UBXN11: variants seen among roughly 807,000 people sequenced by gnomAD.
UBXN11 encodes the protein UBX domain-containing protein 11.
A neutral mutation model predicts 62.8 loss-of-function variants in UBXN11; 47 were observed. The ratio of observed to expected loss-of-function variants is 0.75; its 90% CI spans 0.59 to 0.95. The LOEUF (loss-of-function observed/expected upper bound fraction) is 0.95, where lower values mean the gene tolerates loss of function less well. Among genes scored for constraint, UBXN11 ranks in the 40% least tolerant of loss-of-function variants. UBXN11 has a pLI of 0.00. For synonymous variants in UBXN11, 294 were observed against 267.0 expected (o/e 1.10, Z -0.99); for missense variants, 638 against 661.7 (o/e 0.96, Z 0.39).
chr1:26,286,286 C>A (rs940073564), intron 8 of UBXN11, among the ~76,000 whole-genome samples: 1 of 152,224 alleles, frequency 6.6e-6, no homozygotes, highest in African/African-American at 2.4e-5. Context: ...GCTATAATCA[C>A]CTCCATTTTT....
intron 1 of UBXN11, chr1:26,317,833 A>AC (rs1372443860): frequency 1.7e-6 from 1 of 590,496 alleles, no homozygotes; most frequent in African/African-American, 1.9e-5. Flanking sequence ...GGTATTATCC[A>AC]CCCCCAGATC....
At chr1:26,307,274 C>A (rs1361099784), upstream of UBXN11, among the ~76,000 whole-genome samples, 1 of 152,164 alleles carries the variant, frequency 6.6e-6, no homozygotes, top group East Asian at 1.9e-4. Flanking sequence ...GTTAAGACCA[C>A]GAACTTTGGA....
chr1:26,318,307 G>A, exon 1 of UBXN11: 2 of 528,534 alleles, frequency 3.8e-6, no homozygotes, highest in East Asian at 6.2e-5. Context: ...CCACAGCTGG[G>A]GAGCACTTAC....
rs760552317 is a variant in UBXN11 at position 26,284,158 on chromosome 1, A to T, written c.1061T>A (p.Ile354Asn). Residue 354 changes from isoleucine (I) to asparagine (N), a missense_variant, in exon 12 of 15, where the codon ATC (isoleucine) becomes AAC (asparagine). Transcript: ENST00000374222. ...TGGCCTCACCTGCAAGGTGTCCCTGATGGGGCCCCGGATGTCAATCACCTC... is the reference window on the plus strand; with the variant it reads ...TGGCCTCACCTGCAAGGTGTCCCTGTTGGGGCCCCGGATGTCAATCACCTC... ...QGEVIDIRGP[I>N]RDTLQNCCPL... The T allele has an allele frequency of 1.2e-6, 2 of 1,611,100 alleles. No homozygotes were observed. The highest frequency in any genetic ancestry group is 1.1e-5 in the South Asian group (1 of 90,720).
At position 26,317,134 on chromosome 1, in the gene UBXN11, G is replaced by C. The variant is rs576784194; in HGVS notation, c.-149+913C>G. Among the ~76,000 whole-genome samples the C allele has an allele frequency of 1.5e-4, 23 of 151,518 alleles. No homozygotes were observed. The South Asian group carries it at 1.7e-3, about 11-fold the overall frequency. Reference sequence around the variant, plus strand: ...CACACACCTGTAGTCCCAGCTATGCGGGAGGCCAAGGCAGGATAATTGCTT... The same window carrying C: ...CACACACCTGTAGTCCCAGCTATGCCGGAGGCCAAGGCAGGATAATTGCTT... On this transcript the variant is annotated intron_variant, in intron 1 of 14. Transcript: ENST00000374217.
At chr1:26,293,054 C>A (rs573647799) in intron 8 of UBXN11, among the ~76,000 whole-genome samples, 2 of 152,108 alleles carry the variant, frequency 1.3e-5, no homozygotes, top group Non-Finnish European at 2.9e-5. Flanking sequence ...CAAATGGGCC[C>A]CTTGGAAGCT....
rs192654087 is a variant in UBXN11 at position 26,286,586 on chromosome 1, T to C, written c.560-549A>G. 5.3e-5 allele frequency among the ~76,000 whole-genome samples: 7 copies of C among 131,768 alleles called. No individual in the cohort carries two copies. In the East Asian group the frequency reaches 1.4e-3, roughly 26 times the overall value. 86.4% of individuals were successfully genotyped at this position (131,768 alleles called of 152,430 possible). On this transcript the variant is annotated intron_variant, in intron 8 of 14. Transcript: ENST00000374222. ...AGGATGGCTGTAAGGCTCCAAGAAG[T>C]AACCATGTTAAGAGCCAGCTTGGAA...
chr1:26,304,736 G>C (rs140320188), intron 1 of UBXN11, among the ~76,000 whole-genome samples: 1 of 152,092 alleles, frequency 6.6e-6, no homozygotes, highest in African/African-American at 2.4e-5. Context: ...CTGGGTGACA[G>C]AGCAAGACTC....
chr1:26,284,335 C>T, intron 11 of UBXN11, 27 bp downstream of exon 11: 1 of 1,613,974 alleles, frequency 6.2e-7, no homozygotes, highest in Non-Finnish European at 8.5e-7. Flanking sequence ...CCCCAGCCCC[C>T]TGGCTCAGCC....
intron 4 of UBXN11, among the ~76,000 whole-genome samples, chr1:26,299,152 G>A (rs969683566): frequency 6.6e-6 from 1 of 152,162 alleles, no homozygotes; most frequent in Admixed American, 6.5e-5. Flanking sequence ...TACACATGGA[G>A]TGCAGGTGAG....
intron 12 of UBXN11, 56 bp from the exon 13 acceptor site, chr1:26,282,993 C>T: frequency 6.2e-7 from 1 of 1,609,080 alleles, no homozygotes; most frequent in African/African-American, 1.3e-5. Flanking sequence ...GAGTCATCCC[C>T]ACAAACCTTA....
exon 1 of UBXN11, chr1:26,318,166 T>G: frequency 2.8e-6 from 3 of 1,070,574 alleles, no homozygotes; most frequent in Non-Finnish European, 4.3e-6. Flanking sequence ...AGACCCAGCC[T>G]TCTCTCCTGA....
chr1:26,288,170 A>G (rs2073175243), intron 8 of UBXN11, among the ~76,000 whole-genome samples: 1 of 152,138 alleles, frequency 6.6e-6, no homozygotes, highest in Non-Finnish European at 1.5e-5. Flanking sequence ...GTCAGATGAC[A>G]TGGCCTGATC....
rs2073005205 is a variant in UBXN11 at position 26,282,337 on chromosome 1, GGCCGGGACCGGGACCGGGAC to G, written c.1505_1524del (p.Ser502ThrfsTer?). The G allele has an allele frequency of 3.8e-5, 12 of 318,740 alleles. No individual in the cohort carries two copies. The African/African-American group carries it at 3.8e-4, about 10-fold the overall frequency. 19.7% of individuals were successfully genotyped at this position (318,740 alleles called of 1,614,324 possible). A position where few individuals can be genotyped will look rare whatever the true frequency, so the allele number is the denominator to read the frequency against. On this transcript the variant is annotated frameshift_variant, in exon 15 of 15. Transcript: ENST00000374222. LOFTEE classifies it low-confidence loss of function (END_TRUNC). The stretch of plus-strand genomic sequence containing the variant: ...GGACTGGGTCCAGGACAGGGACTGG[GGCCGGGACCGGGACCGGGAC>G]TGGGGCCGGGACCGGGACCGGGACT...
At chr1:26,293,875 C>T (rs1270164346) in intron 8 of UBXN11, among the ~76,000 whole-genome samples, 2 of 151,704 alleles carry the variant, frequency 1.3e-5, no homozygotes, top group African/African-American at 2.4e-5. Context: ...TTTTTTAAAA[C>T]GGCAACATCT....
intron 11 of UBXN11, 53 bp downstream of exon 11, chr1:26,284,309 A>T: frequency 6.2e-7 from 1 of 1,612,736 alleles, no homozygotes; most frequent in South Asian, 1.1e-5. Context: ...GCCCCCCTGG[A>T]GTTTGTTCTG....
chr1:26,282,320 TCCA>T lies in UBXN11; in HGVS notation c.1539_1541del (p.Gly514del). The T allele has an allele frequency of 2.2e-6, 3 of 1,361,168 alleles. 1 individual carries two copies. Among genetic ancestry groups the T allele is most frequent in the Non-Finnish European group, 2.8e-6 (3 of 1,058,272 alleles). The allele number at this position is 1,361,168 out of a possible 1,614,324, so 84.3% of individuals were successfully genotyped here. On this transcript the variant is annotated inframe_deletion, in exon 15 of 15. Transcript: ENST00000374222. ...TGCTTTATTGGGGGCTGGGACTGGGTCCAGGACAGGGACTGGGGCCGGGACCGG... is the reference window on the plus strand; with the variant it reads ...TGCTTTATTGGGGGCTGGGACTGGGTGGACAGGGACTGGGGCCGGGACCGG...
Position 26,284,471 on chromosome 1 carries a change from C to A in UBXN11, c.864G>T (p.Leu288Phe). 1 of 1,598,990 alleles carries A rather than the reference C, an allele frequency of 6.3e-7. No homozygotes were observed. The highest frequency in any genetic ancestry group is 8.6e-7 in the Non-Finnish European group (1 of 1,169,422). The change falls in exon 11 of 15, where the codon TTG becomes TTT. Residue 288 changes from leucine to phenylalanine, a missense_variant. Coordinates refer to ENST00000374222, the MANE Select transcript of UBXN11 (RefSeq NM_001389556.1). ...CATCCTCCAGGTAGACCTGATTGCG[C>A]AAGTCACTCACCTGGCAAGAAAGAA... ...PNGVPFKVSDLRNQVYLEDGL... is the reference protein window; with the variant it reads ...PNGVPFKVSDFRNQVYLEDGL...
chr1:26,302,523 G>A lies in UBXN11; in HGVS notation c.71+290C>T, dbSNP rs377195840. ...ACAGGGCCTGGCCCAGGATAGGTCC[G>A]TAGACCATCTGTGTTTGCAGAATTA... On this transcript the variant is annotated intron_variant, in intron 2 of 14. Transcript: ENST00000374222. 2.0e-4 allele frequency among the ~76,000 whole-genome samples: 31 copies of A among 152,266 alleles called. No homozygotes were observed. In the East Asian group the frequency reaches 2.3e-3, roughly 11 times the overall value.
Sources: gnomAD v4.1 joint callset for allele counts (sites outside exome capture counted in the v4.1 genomes callset) on GRCh38, gnomAD v4.1.1 for gene constraint, MANE v1.5 for transcripts, NCBI Gene and HGNC (gene_info 2026-07-23, HGNC 2026-07-21) for gene names.